Variants in CFAP54 observed in about 807,000 individuals in gnomAD.
The protein encoded by CFAP54 is cilia and flagella associated protein 54, also known as cilia- and flagella-associated protein 54.
CFAP54 carries 290 observed loss-of-function variants against 370.4 expected under a neutral mutation model. The observed-to-expected ratio is 0.78, with a 90% CI of 0.71 to 0.86. CFAP54 has a LOEUF of 0.86. CFAP54 is among the 40% of genes least tolerant of loss of function. The pLI is 0.00. For synonymous variants in CFAP54, 1,206 were observed against 1,236.5 expected, an observed-to-expected ratio of 0.98 and a Z score of 0.52; for missense variants, 3,399 against 3,528.7, an observed-to-expected ratio of 0.96 and a Z score of 0.93.
intron 50 of CFAP54, among the ~76,000 whole-genome samples, chr12:96,739,221 T>C (rs1958021022): frequency 6.6e-6 from 1 of 152,222 alleles, no homozygotes; most frequent in African/African-American, 2.4e-5. Context: ...CAGGTTGTTC[T>C]GTATTTTGAA....
intron 25 of CFAP54, among the ~76,000 whole-genome samples, chr12:96,596,105 T>C (rs1237618791): frequency 6.6e-6 from 1 of 152,174 alleles, no homozygotes; most frequent in Non-Finnish European, 1.5e-5. Context: ...GGGACAAGAC[T>C]TGAAATGCAT....
At chr12:96,580,092 TCTTG>T (rs1565902655) in intron 20 of CFAP54, among the ~76,000 whole-genome samples, 1 of 151,834 alleles carries the variant, frequency 6.6e-6, no homozygotes, top group African/African-American at 2.4e-5. Context: ...TATTTTAGTA[TCTTG>T]CTTCTCTTTC....
chr12:96,490,961 A>G lies in CFAP54; in HGVS notation c.317+1035A>G, dbSNP rs139095884. On this transcript the variant is annotated intron_variant, in intron 1 of 67. Transcript: ENST00000524981. ...AGGGAATGGTGTTGGAGGATATGAG[A>G]TGAATGTTGCAATTTTATCTTTTTT... 5.1e-3 allele frequency among the ~76,000 whole-genome samples: 773 copies of G among 150,784 alleles called. 11 individuals are homozygous for G. Among genetic ancestry groups the G allele is most frequent in the African/African-American group, 0.018 (729 of 41,166 alleles).
intron 66 of CFAP54, among the ~76,000 whole-genome samples, chr12:96,855,714 C>G (rs533481022): frequency 2.0e-5 from 3 of 152,230 alleles, no homozygotes; most frequent in Non-Finnish European, 4.4e-5. Flanking sequence ...GTATAGCCCC[C>G]CTCTTGGGTG....
At chr12:96,818,790 C>T (rs892263984) in intron 65 of CFAP54, among the ~76,000 whole-genome samples, 1 of 152,178 alleles carries the variant, frequency 6.6e-6, no homozygotes, top group African/African-American at 2.4e-5. Flanking sequence ...TTGCTTTTCC[C>T]AAACTCACTG....
chr12:96,658,871 C>A (rs565570179), intron 38 of CFAP54, among the ~76,000 whole-genome samples: 4 of 152,210 alleles, frequency 2.6e-5, no homozygotes, highest in Admixed American at 2.6e-4. Flanking sequence ...GAGCAAAACT[C>A]GTAAAGACAG....
At chr12:96,856,876 A>G (rs958457008) in intron 66 of CFAP54, among the ~76,000 whole-genome samples, 20 of 152,174 alleles carry the variant, frequency 1.3e-4, no homozygotes, top group Admixed American at 1.3e-3. Context: ...AACTTACTGT[A>G]TTAGTCTGTT....
intron 48 of CFAP54, among the ~76,000 whole-genome samples, chr12:96,710,211 T>A (rs1181587856): frequency 6.9e-6 from 1 of 144,560 alleles, no homozygotes; most frequent in Admixed American, 7.0e-5. Context: ...ACAGATCAGA[T>A]GACTGCTACT....
chr12:96,787,977 A>C (rs1021905320), intron 62 of CFAP54, among the ~76,000 whole-genome samples: 1 of 148,906 alleles, frequency 6.7e-6, no homozygotes, highest in Admixed American at 6.8e-5. Flanking sequence ...CAGTGGTGTG[A>C]TCTTTCTTGG....
At chr12:96,758,028 C>G (rs1399098209) in intron 58 of CFAP54, among the ~76,000 whole-genome samples, 1 of 152,138 alleles carries the variant, frequency 6.6e-6, no homozygotes, top group East Asian at 1.9e-4. Flanking sequence ...TAGAATCATT[C>G]ATACATTCAT....
intron 60 of CFAP54, among the ~76,000 whole-genome samples, chr12:96,783,242 G>T (rs1203947029): frequency 6.6e-6 from 1 of 152,148 alleles, no homozygotes; most frequent in African/African-American, 2.4e-5. Context: ...ATGAGCTCAG[G>T]CAGCGAGAGT....
At chr12:96,649,370 C>A (rs1241217270) in intron 34 of CFAP54, among the ~76,000 whole-genome samples, 1 of 152,008 alleles carries the variant, frequency 6.6e-6, no homozygotes, top group Admixed American at 6.6e-5. Context: ...ATGAAATTGG[C>A]AATAGAATAT....
At chr12:96,522,733 AAGCTGCTCAGGGCCAGGCTGAAG>A (rs1453939772) in intron 8 of CFAP54, among the ~76,000 whole-genome samples, 29 of 152,308 alleles carry the variant, frequency 1.9e-4, no homozygotes, top group Non-Finnish European at 1.5e-5. Flanking sequence ...TGCCTTACAA[AAGCTGCTCAGGGCCAGGCTGAAG>A]AGCCGCCTTC....
At chr12:96,569,868 A>G (rs1398792753) in intron 19 of CFAP54, among the ~76,000 whole-genome samples, 1 of 152,200 alleles carries the variant, frequency 6.6e-6, no homozygotes, top group East Asian at 1.9e-4. Flanking sequence ...CTATATTAGC[A>G]GTAGTTGGAT....
intron 48 of CFAP54, among the ~76,000 whole-genome samples, chr12:96,710,461 A>G (rs1957598130): frequency 6.6e-6 from 1 of 152,098 alleles, no homozygotes; most frequent in Non-Finnish European, 1.5e-5. Context: ...GGCTGTCTCT[A>G]GATATCTGAT....
intron 39 of CFAP54, among the ~76,000 whole-genome samples, chr12:96,675,465 T>C (rs536018202): frequency 2.0e-5 from 3 of 152,136 alleles, no homozygotes; most frequent in Admixed American, 1.3e-4. Flanking sequence ...TGTGGAGAAA[T>C]AGGAACACTT....
rs540967509 is a variant in CFAP54 at position 96,862,579 on chromosome 12, G to A, written c.*14+1627G>A. On this transcript the variant is annotated intron_variant, in intron 67 of 67. Coordinates refer to ENST00000524981, the MANE Select transcript of CFAP54 (RefSeq NM_001306084.2). The stretch of plus-strand genomic sequence containing the variant: ...GCCTCCAGGGCAGATAAGAATGCAA[G>A]ATATAATGAAAGGGAAAGAAACAAA... Among the ~76,000 whole-genome samples, 167 of 152,072 alleles carry A rather than the reference G, an allele frequency of 1.1e-3. 1 individual carries two copies. Among genetic ancestry groups the A allele is most frequent in the Middle Eastern group, 0.01 (3 of 294 alleles).
At chr12:96,792,609 G>A in intron 63 of CFAP54, 110 bp downstream of exon 63, 1 of 744,632 alleles carries the variant, frequency 1.3e-6, no homozygotes, top group Non-Finnish European at 2.0e-6. Context: ...ATGAGAACAG[G>A]TATCAATATA....
chr12:96,585,672 G>C (rs1252656060), intron 22 of CFAP54, among the ~76,000 whole-genome samples: 1 of 152,100 alleles, frequency 6.6e-6, no homozygotes, highest in Non-Finnish European at 1.5e-5. Context: ...CCCCACATCT[G>C]GGCAGGATGA....
Sources: allele counts gnomAD v4.1 joint callset (sites outside exome capture counted in the v4.1 genomes callset), GRCh38; gene constraint gnomAD v4.1.1; transcripts MANE v1.5; gene names NCBI Gene and HGNC (gene_info 2026-07-23, HGNC 2026-07-21).